The following LAG3 variants were observed in gnomAD, a reference collection of about 807,000 sequenced individuals.
LAG3 encodes lymphocyte activation gene 3 protein.
A neutral mutation model predicts 49.0 loss-of-function variants in LAG3; 29 were observed. That is an observed-to-expected ratio of 0.59 (90% CI 0.44 to 0.81). The LOEUF (loss-of-function observed/expected upper bound fraction) is 0.81. Ranked by LOEUF, LAG3 falls within the 30% of genes least tolerant of loss-of-function variation. LAG3 has a pLI of 0.00. For missense variants in LAG3, 693 were observed against 695.2 expected, an observed-to-expected ratio of 1.00 and a Z score of 0.04; for synonymous variants, 320 against 297.3, an observed-to-expected ratio of 1.08 and a Z score of -0.79.
At chr12:6,774,312 A>G (rs1941879315) in intron 3 of LAG3, among the ~76,000 whole-genome samples, 1 of 152,146 alleles carries the variant, frequency 6.6e-6, no homozygotes, top group Non-Finnish European at 1.5e-5. Flanking sequence ...TCTGTAGCTC[A>G]GGGGGTGGGC....
rs1941874524 is a variant in LAG3, at chr12:6,773,979, T to A, written c.489T>A (p.Arg163=). The change falls in exon 3 of 8, where the codon CGT becomes CGA. Residue 163 remains arginine (R), a synonymous_variant. Transcript: ENST00000203629. This position sits in a 1 kb window ranked among gnomAD's most constrained non-coding sequence, Gnocchi z 5.5. ...ACCGCGCCCTCTCCTGCCGCCTCCGTCTGCGCCTGGGCCAGGCCTCGAGTA... is the reference window on the plus strand; with the variant it reads ...ACCGCGCCCTCTCCTGCCGCCTCCGACTGCGCCTGGGCCAGGCCTCGAGTA... ...LRDRALSCRL[R]LRLGQASMTA... 2.1e-6 allele frequency: 3 copies of A among 1,440,906 alleles called. No individual in the cohort carries two copies. Among genetic ancestry groups the A allele is most frequent in the Non-Finnish European group, 2.7e-6 (3 of 1,105,584 alleles). The allele number at this position is 1,440,906 out of a possible 1,614,324, so 89.3% of individuals were successfully genotyped here.
chr12:6,772,789 A>AC lies in LAG3; in HGVS notation c.-63dup. 1.0e-5 allele frequency: 4 copies of AC among 397,020 alleles called. No homozygotes were observed. The highest frequency in any genetic ancestry group is 3.0e-5 in the South Asian group (1 of 33,130). The allele number at this position is 397,020 out of a possible 1,614,324, so 24.6% of individuals were successfully genotyped here. A position where few individuals can be genotyped will look rare whatever the true frequency, so the allele number is the denominator to read the frequency against. ...TCTCCTTTACCCCCCACCCCCCACC[A>AC]CTGCCCCCTTTCCTTTTCTGACCTC... On this transcript the variant is annotated 5_prime_UTR_variant, in exon 1 of 8. Transcript: ENST00000203629.
rs1941857159 is a variant in LAG3 at position 6,772,705 on chromosome 12, C to T, written c.-148C>T. 1 of 633,800 alleles carries T rather than the reference C, an allele frequency of 1.6e-6. No individual in the cohort carries two copies. The highest frequency in any genetic ancestry group is 2.0e-5 in the South Asian group (1 of 50,288). The allele number at this position is 633,800 out of a possible 1,614,324, so 39.3% of individuals were successfully genotyped here. ...ATCCCTCCCCACCCTCTCTCCAAGG[C>T]CCTCTCCTGGTCTCCCTTCTTCTAG... On this transcript the variant is annotated 5_prime_UTR_variant, in exon 1 of 8. Coordinates refer to ENST00000203629, the MANE Select transcript of LAG3 (RefSeq NM_002286.6).
rs1941898500 is a variant in LAG3, at chr12:6,775,564, G to T, written c.1057+16G>T. 6.2e-7 allele frequency: 1 copy of T among 1,612,564 alleles called. No individual in the cohort carries two copies. On this transcript the variant is annotated intron_variant, in intron 5 of 7. Transcript: ENST00000203629. The stretch of plus-strand genomic sequence containing the variant: ...ATCATCACAGGTCAGCCTCAGGTGG[G>T]AAAGGAGTAGCTGCCCTCCCAGGGT...
rs1941861847 is a variant in LAG3 at position 6,773,138 on chromosome 12, C to T, written c.59-54C>T. The T allele has an allele frequency of 6.4e-7, 1 of 1,562,442 alleles. No individual in the cohort carries two copies. The stretch of plus-strand genomic sequence containing the variant: ...GGGAAACACCCAGGCTCCTTCTCTA[C>T]CCCTGCCTCTCGGCTCACGCCCCCT... On this transcript the variant is annotated intron_variant, in intron 1 of 7. Coordinates refer to ENST00000203629, the MANE Select transcript of LAG3 (RefSeq NM_002286.6). This position sits in a 1 kb window ranked among gnomAD's most constrained non-coding sequence, Gnocchi z 5.5.
rs1941916953 is a variant in LAG3 at position 6,777,256 on chromosome 12, CTT to C, written c.1058-5_1058-4del. 2 of 1,614,180 alleles carry C rather than the reference CTT, an allele frequency of 1.2e-6. No homozygotes were observed. Among genetic ancestry groups the C allele is most frequent in the Non-Finnish European group, 1.7e-6 (2 of 1,180,024 alleles). ...TCCCAAAAGATCTCTTCCTTCTACT[CTT>C]TTCAGTGACTCCCAAATCCTTTGGG... On this transcript the variant is annotated splice_polypyrimidine_tract_variant and splice_region_variant and intron_variant, in intron 5 of 7. Coordinates refer to ENST00000203629, the MANE Select transcript of LAG3 (RefSeq NM_002286.6).
At chr12:6,777,628 G>T (rs1417729910) in intron 6 of LAG3, 122 bp downstream of exon 6, 7 of 1,477,786 alleles carry the variant, frequency 4.7e-6, no homozygotes, top group Non-Finnish European at 5.5e-6. Context: ...CTGATCTCTG[G>T]CTTTTGCCTA....
rs1442919570 is a variant in LAG3 at position 6,773,733 on chromosome 12, C to T, written c.243C>T (p.Ala81=). Residue 81 remains alanine (A), a synonymous_variant, in exon 3 of 8, where the codon GCC becomes GCT. Transcript: ENST00000203629. This position sits in a 1 kb window ranked among gnomAD's most constrained non-coding sequence, Gnocchi z 5.5. ...PPAAAPGHPL[A]PGPHPAAPSS... ...CTGCCGCCCCCGGCCATCCCCTGGCCCCCGGCCCTCACCCGGCGGCGCCCT... is the reference window on the plus strand; with the variant it reads ...CTGCCGCCCCCGGCCATCCCCTGGCTCCCGGCCCTCACCCGGCGGCGCCCT... The T allele has an allele frequency of 7.5e-6, 10 of 1,340,218 alleles. No individual in the cohort carries two copies. The African/African-American group carries it at 7.6e-5, about 10-fold the overall frequency. The allele number at this position is 1,340,218 out of a possible 1,614,324, so 83.0% of individuals were successfully genotyped here. A position where few individuals can be genotyped will look rare whatever the true frequency, so the allele number is the denominator to read the frequency against.
chr12:6,773,970 C>A lies in LAG3; in HGVS notation c.480C>A (p.Cys160Ter). ...AVHLRDRALS[C>*]RLRLRLGQAS... The stretch of plus-strand genomic sequence containing the variant: ...ACCTCAGGGACCGCGCCCTCTCCTG[C>A]CGCCTCCGTCTGCGCCTGGGCCAGG... Residue 160 changes from cysteine (C) to a stop codon, truncating the protein, a stop_gained, in exon 3 of 8, where the codon TGC becomes TGA. Coordinates refer to ENST00000203629, the MANE Select transcript of LAG3 (RefSeq NM_002286.6). LOFTEE classifies it high-confidence loss of function. This position sits in a 1 kb window ranked among gnomAD's most constrained non-coding sequence, Gnocchi z 5.5. The A allele has an allele frequency of 6.9e-7, 1 of 1,440,332 alleles. No homozygotes were observed. Among genetic ancestry groups the A allele is most frequent in the Non-Finnish European group, 9.0e-7 (1 of 1,105,386 alleles). 89.2% of individuals were successfully genotyped at this position (1,440,332 alleles called of 1,614,324 possible). A position where few individuals can be genotyped will look rare whatever the true frequency, so the allele number is the denominator to read the frequency against.
In LAG3 at chr12:6,777,901, T is replaced by C; in HGVS notation, c.1411T>C (p.Phe471Leu). The part of the protein sequence containing the change: ...LLLLVTGAFG[F>L]HLWRRQWRPR... The stretch of plus-strand genomic sequence containing the variant: ...CCTTTTGGTGACTGGAGCCTTTGGC[T>C]TTCACCTTTGGAGAAGACAGGTGAG... The change falls in exon 7 of 8, where the codon TTT (phenylalanine) becomes CTT (leucine). Residue 471 changes from phenylalanine (F) to leucine (L), a missense_variant. By Grantham distance (22) the Phe-to-Leu change is conservative (BLOSUM62 0). Transcript: ENST00000203629. 1 of 1,613,788 alleles carries C rather than the reference T, an allele frequency of 6.2e-7. No homozygotes were observed. Among genetic ancestry groups the C allele is most frequent in the Non-Finnish European group, 8.5e-7 (1 of 1,179,956 alleles).
At position 6,775,371 on chromosome 12, in the gene LAG3, C is replaced by T. The variant is rs1941895600; in HGVS notation, c.880C>T (p.Leu294Phe). The T allele has an allele frequency of 6.2e-7, 1 of 1,614,130 alleles. No homozygotes were observed. The highest frequency in any genetic ancestry group is 1.1e-5 in the South Asian group (1 of 91,090). ...TGCTGGTGTGGGGACCCGGTCTTTC[C>T]TCACTGCCAAGTGGACTCCTCCTGG... Reference protein sequence around the residue: ...LPAGVGTRSFLTAKWTPPGGG... With the variant: ...LPAGVGTRSFFTAKWTPPGGG... The change falls in exon 5 of 8, where the codon CTC (leucine) becomes TTC (phenylalanine). Residue 294 changes from leucine (L) to phenylalanine (F), a missense_variant. Leu to Phe is a conservative substitution (Grantham distance 22). Coordinates refer to ENST00000203629, the MANE Select transcript of LAG3 (RefSeq NM_002286.6).
At position 6,773,878 on chromosome 12, in the gene LAG3, G is replaced by A; in HGVS notation, c.388G>A (p.Gly130Arg). 7.1e-7 allele frequency: 1 copy of A among 1,400,176 alleles called. No individual in the cohort carries two copies. Among genetic ancestry groups the A allele is most frequent in the Non-Finnish European group, 9.2e-7 (1 of 1,085,872 alleles). The allele number at this position is 1,400,176 out of a possible 1,614,324, so 86.7% of individuals were successfully genotyped here. A position where few individuals can be genotyped will look rare whatever the true frequency, so the allele number is the denominator to read the frequency against. ...VQLDERGRQR[G>R]DFSLWLRPAR... ...GCTGGATGAGCGCGGCCGGCAGCGC[G>A]GGGACTTCTCGCTATGGCTGCGCCC... The change falls in exon 3 of 8, where the codon GGG (glycine) becomes AGG (arginine). Residue 130 changes from glycine (G) to arginine (R), a missense_variant. Coordinates refer to ENST00000203629, the MANE Select transcript of LAG3 (RefSeq NM_002286.6). The surrounding 1 kb of genome is among the most constrained non-coding windows in gnomAD (Gnocchi z 5.5).
rs1426479257 is a variant in LAG3, at chr12:6,773,268, C to T, written c.135C>T (p.Ser45=). 7 of 1,613,358 alleles carry T rather than the reference C, an allele frequency of 4.3e-6. No individual in the cohort carries two copies. In the Admixed American group the frequency reaches 1.2e-4, roughly 27 times the overall value. ...GGGCTCCTGCCCAGCTCCCCTGCAG[C>T]CCCACAATCCCCCTCCAGGATCTCA... The part of the protein sequence containing the change: ...QEGAPAQLPC[S]PTIPLQDLSL... Residue 45 remains serine, a synonymous_variant, in exon 2 of 8, where the codon AGC becomes AGT. Transcript: ENST00000203629. The surrounding 1 kb of genome is among the most constrained non-coding windows in gnomAD (Gnocchi z 5.5).
At chr12:6,774,918 G>A (rs1941888874) in intron 4 of LAG3, 54 bp downstream of exon 4, 7 of 1,546,180 alleles carry the variant, frequency 4.5e-6, no homozygotes, top group Non-Finnish European at 6.2e-6. Context: ...TGCCCCCCTT[G>A]TCACCTCCCC....
chr12:6,778,321 G>A lies in LAG3; in HGVS notation c.1509G>A (p.Glu503=). The change falls in exon 8 of 8, where the codon GAG becomes GAA. Residue 503 remains glutamate (E), a synonymous_variant. Coordinates refer to ENST00000203629, the MANE Select transcript of LAG3 (RefSeq NM_002286.6). ...PQAQSKIEEL[E]QEPEPEPEPE... is the part of the protein sequence containing the mutation. ...CTCAGAGCAAGATAGAGGAGCTGGAGCAAGAACCGGAGCCGGAGCCGGAGC... is the reference window on the plus strand; with the variant it reads ...CTCAGAGCAAGATAGAGGAGCTGGAACAAGAACCGGAGCCGGAGCCGGAGC... The A allele has an allele frequency of 2.5e-6, 4 of 1,613,390 alleles. No homozygotes were observed. The highest frequency in any genetic ancestry group is 1.1e-5 in the South Asian group (1 of 91,076).
Position 6,773,410 on chromosome 12 carries a change from T to G in LAG3, c.206+71T>G. 6.4e-7 allele frequency: 1 copy of G among 1,559,336 alleles called. No homozygotes were observed. The highest frequency in any genetic ancestry group is 8.7e-7 in the Non-Finnish European group (1 of 1,143,582). ...CAACCCCACACCCGTGCCGGTCCTC[T>G]GTCCCCTGCCCTGAGGTGTCACTCC... On this transcript the variant is annotated intron_variant, in intron 2 of 7. Transcript: ENST00000203629. This position sits in a 1 kb window ranked among gnomAD's most constrained non-coding sequence, Gnocchi z 5.5.
Position 6,775,330 on chromosome 12 carries a change from T to C in LAG3, c.839T>C (p.Leu280Pro). 1 of 1,614,220 alleles carries C rather than the reference T, an allele frequency of 6.2e-7. No individual in the cohort carries two copies. The change falls in exon 5 of 8, where the codon CTG (leucine) becomes CCG (proline). Residue 280 changes from leucine to proline, a missense_variant. Leu to Pro is a moderately conservative substitution (Grantham distance 98). Transcript: ENST00000203629. ...VYAGAGSRVG[L>P]PCRLPAGVGT... ...GCTGGAGCAGGTTCCAGGGTGGGGC[T>C]GCCCTGCCGCCTGCCTGCTGGTGTG... is the stretch of plus-strand genomic sequence containing the variant.
chr12:6,772,577 G>A lies in LAG3; in HGVS notation c.-276G>A, dbSNP rs951822292. Reference sequence around the variant, plus strand: ...GGCCACTTTGCTCTGTCTGCTCTCCGCCACGGCCCTGCTCTGTTCCCTGGG... The same window carrying A: ...GGCCACTTTGCTCTGTCTGCTCTCCACCACGGCCCTGCTCTGTTCCCTGGG... On this transcript the variant is annotated 5_prime_UTR_variant, in exon 1 of 8. Transcript: ENST00000203629. The A allele has an allele frequency of 6.7e-5, 27 of 403,622 alleles. No individual in the cohort carries two copies. The highest frequency in any genetic ancestry group is 2.1e-4 in the African/African-American group (10 of 48,714). The allele number at this position is 403,622 out of a possible 1,614,324, so 25.0% of individuals were successfully genotyped here. A position where few individuals can be genotyped will look rare whatever the true frequency, so the allele number is the denominator to read the frequency against.
rs755173480 is a variant in LAG3 at position 6,773,250 on chromosome 12, T to C, written c.117T>C (p.Pro39=). 4 of 1,613,218 alleles carry C rather than the reference T, an allele frequency of 2.5e-6. No homozygotes were observed. The South Asian group carries it at 4.4e-5, about 18-fold the overall frequency. The change falls in exon 2 of 8, where the codon CCT becomes CCC. Residue 39 remains proline (P), a synonymous_variant. Transcript: ENST00000203629. This position sits in a 1 kb window ranked among gnomAD's most constrained non-coding sequence, Gnocchi z 5.5. ...TGGTGTGGGCCCAGGAGGGGGCTCCTGCCCAGCTCCCCTGCAGCCCCACAA... is the reference window on the plus strand; with the variant it reads ...TGGTGTGGGCCCAGGAGGGGGCTCCCGCCCAGCTCCCCTGCAGCCCCACAA... ...VPVVWAQEGA[P]AQLPCSPTIP... is the part of the protein sequence containing the mutation.
Sources: gnomAD v4.1 joint callset for allele counts (sites outside exome capture counted in the v4.1 genomes callset) on GRCh38, gnomAD v4.1.1 for gene constraint, Gnocchi (gnomAD v3.1) non-coding constraint, MANE v1.5 for transcripts, NCBI Gene and HGNC (gene_info 2026-07-23, HGNC 2026-07-21) for gene names.